Variants in ROR1 observed in about 807,000 individuals in gnomAD.
ROR1 encodes inactive tyrosine-protein kinase transmembrane receptor ROR1.
ROR1 carries 19 observed loss-of-function variants against 78.8 expected under a neutral mutation model. That is an observed-to-expected ratio of 0.24 (90% CI 0.17 to 0.35). The LOEUF is 0.35. ROR1 is among the 10% of genes least tolerant of loss of function. The probability of loss-of-function intolerance (pLI) is 1.00; values close to 1 mark genes in which losing one functional copy is unlikely to be tolerated. For missense variants in ROR1, 917 were observed against 1,177.8 expected, an observed-to-expected ratio of 0.78 and a Z score of 3.24; for synonymous variants, 386 against 433.6, an observed-to-expected ratio of 0.89 and a Z score of 1.36.
chr1:64,171,833 A>G (rs1322007048), intron 8 of ROR1, among the ~76,000 whole-genome samples: 1 of 152,212 alleles, frequency 6.6e-6, no homozygotes, highest in Admixed American at 6.5e-5. Context: ...ATTATGTTCA[A>G]GGCAAAAAGT....
chr1:64,160,067 T>C (rs750664172), intron 8 of ROR1, among the ~76,000 whole-genome samples: 51 of 152,212 alleles, frequency 3.4e-4, no homozygotes, highest in Non-Finnish European at 6.9e-4. Flanking sequence ...TGTTTTTTTT[T>C]CTAATTATTC....
Position 63,887,128 on chromosome 1 carries a change from C to T in ROR1, c.91+112620C>T, listed in dbSNP as rs555331760. Among the ~76,000 whole-genome samples the T allele has an allele frequency of 2.0e-5, 3 of 152,206 alleles. No individual in the cohort carries two copies. The South Asian group carries it at 6.2e-4, about 32-fold the overall frequency. ...CATGTCTGTGGAAAGTGGGCACAGA[C>T]CACCTTTGAGGGACAAAGGGGCGGT... On this transcript the variant is annotated intron_variant, in intron 1 of 8. Transcript: ENST00000371079.
intron 4 of ROR1, among the ~76,000 whole-genome samples, chr1:64,060,290 T>TATC (rs754850215): frequency 6.6e-6 from 1 of 152,170 alleles, no homozygotes; most frequent in Non-Finnish European, 1.5e-5. Flanking sequence ...TTACTAACAG[T>TATC]ATCATCATCA....
At chr1:63,893,385 C>T (rs1645414696) in intron 1 of ROR1, among the ~76,000 whole-genome samples, 1 of 152,032 alleles carries the variant, frequency 6.6e-6, no homozygotes, top group Non-Finnish European at 1.5e-5. Flanking sequence ...CCTGGAAGTG[C>T]AGAGATAGAG....
intron 1 of ROR1, among the ~76,000 whole-genome samples, chr1:63,944,950 C>T (rs1390144937): frequency 6.6e-6 from 1 of 152,102 alleles, no homozygotes; most frequent in East Asian, 1.9e-4. Flanking sequence ...ATTAAAATTA[C>T]CTGGGGAAGT....
intron 8 of ROR1, among the ~76,000 whole-genome samples, chr1:64,173,332 G>A (rs183165038): frequency 2.5e-3 from 374 of 152,308 alleles, no homozygotes; most frequent in South Asian, 3.1e-3. Context: ...ACTGGATATT[G>A]GTGAGATAGG....
At chr1:63,803,001 G>T (rs879577897) in intron 1 of ROR1, among the ~76,000 whole-genome samples, 4 of 152,126 alleles carry the variant, frequency 2.6e-5, no homozygotes, top group Admixed American at 2.6e-4. Context: ...GTGATATTTT[G>T]CACTCTTCTT....
Position 64,108,395 on chromosome 1 carries a change from T to TAAA in ROR1, c.483-28938_483-28936dup, listed in dbSNP as rs556497678. 20 of 48,292 alleles carry TAAA rather than the reference T, an allele frequency of 4.1e-4. 5 individuals carry two copies. The highest frequency in any genetic ancestry group is 1.4e-3 in the African/African-American group (18 of 12,574). 3.0% of individuals were successfully genotyped at this position (48,292 alleles called of 1,614,324 possible). On this transcript the variant is annotated intron_variant, in intron 4 of 8. Coordinates refer to ENST00000371079, the MANE Select transcript of ROR1 (RefSeq NM_005012.4). The stretch of plus-strand genomic sequence containing the variant: ...ATGGGCGACAGAGTGAGACTCCATC[T>TAAA]AAAAAAAAAAAAAAAAAAAAAAAAA...
At chr1:63,962,543 G>A (rs1646037777) in intron 1 of ROR1, among the ~76,000 whole-genome samples, 1 of 152,176 alleles carries the variant, frequency 6.6e-6, no homozygotes, top group Admixed American at 6.5e-5. Flanking sequence ...TGCAGAAGGA[G>A]GAGAAGAGGA....
chr1:63,992,472 C>T (rs971942276), intron 1 of ROR1, among the ~76,000 whole-genome samples: 15 of 152,106 alleles, frequency 9.9e-5, no homozygotes, highest in Non-Finnish European at 2.9e-5. Context: ...TCTCAAAGTG[C>T]TGGGATTACA....
At chr1:63,791,801 A>AG (rs1281761781) in intron 1 of ROR1, among the ~76,000 whole-genome samples, 1 of 152,182 alleles carries the variant, frequency 6.6e-6, no homozygotes, top group Non-Finnish European at 1.5e-5. Flanking sequence ...GGTAAAGGCT[A>AG]TAAAGTCACC....
intron 1 of ROR1, among the ~76,000 whole-genome samples, chr1:63,796,139 A>ATT (rs796112747): frequency 2.0e-5 from 3 of 148,438 alleles, no homozygotes; most frequent in African/African-American, 7.4e-5. Flanking sequence ...GGACGATGGG[A>ATT]TTTTTTTTTT....
intron 4 of ROR1, among the ~76,000 whole-genome samples, chr1:64,064,221 T>G (rs946124337): frequency 5.9e-5 from 9 of 151,904 alleles, no homozygotes; most frequent in Non-Finnish European, 1.0e-4. Flanking sequence ...GAGGGAAAAA[T>G]AGAAGGGGTA....
In ROR1 at chr1:64,137,481, G is replaced by C; in HGVS notation, c.595G>C (p.Glu199Gln). The change falls in exon 5 of 9, where the codon GAA (glutamate) becomes CAA (glutamine). Residue 199 changes from glutamate to glutamine, a missense_variant. Glu to Gln is a conservative substitution (Grantham distance 29). Transcript: ENST00000371079. Reference protein sequence around the residue: ...MESLHMQGEIENQITAAFTMI... With the variant: ...MESLHMQGEIQNQITAAFTMI... ...GTCTTTGCACATGCAAGGGGAAATA[G>C]AAAATCAGATCACAGGTAGGTAGCA... 4 of 1,613,218 alleles carry C rather than the reference G, an allele frequency of 2.5e-6. No homozygotes were observed. The highest frequency in any genetic ancestry group is 3.4e-6 in the Non-Finnish European group (4 of 1,179,554).
chr1:63,789,806 C>T (rs1486575552), intron 1 of ROR1, among the ~76,000 whole-genome samples: 1 of 151,146 alleles, frequency 6.6e-6, no homozygotes, highest in Non-Finnish European at 1.5e-5. Context: ...AATTTTCATG[C>T]ATATCTTCAG....
intron 1 of ROR1, among the ~76,000 whole-genome samples, chr1:63,837,154 A>C (rs925765378): frequency 6.6e-6 from 1 of 152,228 alleles, no homozygotes; most frequent in East Asian, 1.9e-4. Context: ...TGAGAGCCAC[A>C]TGACAAGTGT....
intron 1 of ROR1, among the ~76,000 whole-genome samples, chr1:63,996,852 A>G (rs1042641996): frequency 1.3e-5 from 2 of 152,106 alleles, no homozygotes; most frequent in Admixed American, 6.6e-5. Context: ...AGGAGAGATC[A>G]TGGCTATGTT....
chr1:63,992,168 G>A (rs1331047586), intron 1 of ROR1, among the ~76,000 whole-genome samples: 1 of 151,628 alleles, frequency 6.6e-6, no homozygotes. Context: ...ACAAATATCT[G>A]TGGAATAGGT....
chr1:63,793,002 C>A lies in ROR1; in HGVS notation c.91+18494C>A, dbSNP rs113075448. 1.5e-3 allele frequency among the ~76,000 whole-genome samples: 236 copies of A among 152,350 alleles called. 3 individuals are homozygous for A. Among genetic ancestry groups the A allele is most frequent in the African/African-American group, 5.2e-3 (218 of 41,588 alleles). On this transcript the variant is annotated intron_variant, in intron 1 of 8. Transcript: ENST00000371079. ...TACCAGACAACCTGTAATCCTCAGACCCAGAATCTTATGACAGCTTTCTCT... is the reference window on the plus strand; with the variant it reads ...TACCAGACAACCTGTAATCCTCAGAACCAGAATCTTATGACAGCTTTCTCT...
Sources: allele counts gnomAD v4.1 joint callset (sites outside exome capture counted in the v4.1 genomes callset), GRCh38; gene constraint gnomAD v4.1.1; transcripts MANE v1.5; gene names NCBI Gene and HGNC (gene_info 2026-07-23, HGNC 2026-07-21).